Variants in MED25 observed in about 807,000 individuals in gnomAD.
The protein encoded by MED25 is mediator of RNA polymerase II transcription subunit 25.
A neutral mutation model predicts 89.4 loss-of-function variants in MED25; 62 were observed. The ratio of observed to expected loss-of-function variants is 0.69; its 90% CI spans 0.57 to 0.86. The LOEUF is 0.86. MED25 is among the 40% of genes least tolerant of loss of function. The probability of loss-of-function intolerance (pLI) is 0.00; values close to 1 mark genes in which losing one functional copy is unlikely to be tolerated. For synonymous variants in MED25, 449 were observed against 427.9 expected (o/e 1.05, Z -0.61); for missense variants, 905 against 1,005.2 (o/e 0.90, Z 1.35).
At chr19:49,825,338 C>G (rs904068341) in intron 3 of MED25, among the ~76,000 whole-genome samples, 3 of 151,944 alleles carry the variant, frequency 2.0e-5, no homozygotes, top group Admixed American at 1.3e-4. Context: ...AACCTCTGCC[C>G]CCGAGGTTCA....
chr19:49,819,123 A>G, intron 2 of MED25, 49 bp from the exon 3 acceptor site: 2 of 1,611,234 alleles, frequency 1.2e-6, no homozygotes, highest in Non-Finnish European at 1.7e-6. Context: ...CTCTAAGGGA[A>G]AAGGGAATTG....
intron 3 of MED25, among the ~76,000 whole-genome samples, chr19:49,825,497 C>T (rs573283921): frequency 1.0e-3 from 157 of 152,096 alleles, no homozygotes; most frequent in African/African-American, 3.4e-3. Flanking sequence ...CCGCCCACCT[C>T]GGCCTCCCAA....
At position 49,828,978 on chromosome 19, in the gene MED25, C is replaced by T. The variant is rs200785685; in HGVS notation, c.413C>T (p.Thr138Met). Residue 138 changes from threonine (T) to methionine (M), a missense_variant, in exon 5 of 18, where the codon ACG becomes ATG. Thr to Met is a moderately conservative substitution (Grantham distance 81). This residue lies in a region of MED25 where 501 missense variants were observed against 526.9 expected (regional missense o/e 0.95). Transcript: ENST00000312865. Reference sequence around the variant, plus strand: ...TCTCTCTTTCCTGGTAGTGGCCAGACGCACCGGGTCTGCCTCCTCATCTGC... The same window carrying T: ...TCTCTCTTTCCTGGTAGTGGCCAGATGCACCGGGTCTGCCTCCTCATCTGC... ...FKKMREQIGQ[T>M]HRVCLLICNS... is the part of the protein sequence containing the mutation. 1.5e-5 allele frequency: 24 copies of T among 1,614,094 alleles called. No homozygotes were observed. The highest frequency in any genetic ancestry group is 2.2e-5 in the South Asian group (2 of 91,080).
intron 3 of MED25, among the ~76,000 whole-genome samples, chr19:49,824,842 C>T (rs577769152): frequency 1.1e-4 from 16 of 152,252 alleles, no homozygotes; most frequent in African/African-American, 3.6e-4. Flanking sequence ...AACATTCACT[C>T]ATTTTGACCT....
chr19:49,837,523 C>T (rs886877983), downstream of MED25, among the ~76,000 whole-genome samples: 7 of 152,092 alleles, frequency 4.6e-5, no homozygotes, highest in African/African-American at 1.7e-4. Context: ...AGCAGTGGGG[C>T]GGGCCTAGGC....
Position 49,830,964 on chromosome 19 carries a change from T to A in MED25, c.1101+77T>A, listed in dbSNP as rs1460133971. ...CTAGGACAGTTAGAGGATGAGTCAT[T>A]TGCCTTCCAGGGGGATGTGGCTCTC... On this transcript the variant is annotated intron_variant, in intron 9 of 17. Coordinates refer to ENST00000312865, the MANE Select transcript of MED25 (RefSeq NM_030973.4). This position sits in a 1 kb window ranked among gnomAD's most constrained non-coding sequence, Gnocchi z 4.6. 2.7e-6 allele frequency: 4 copies of A among 1,477,366 alleles called. No homozygotes were observed. The African/African-American group carries it at 5.5e-5, about 20-fold the overall frequency. 91.5% of individuals were successfully genotyped at this position (1,477,366 alleles called of 1,614,324 possible).
rs1351976359 is a variant in MED25 at position 49,831,351 on chromosome 19, G to A, written c.1120G>A (p.Gly374Arg). ...APSMAGTVAP[G>R]GVSGPSPAQL... is the part of the protein sequence containing the mutation. Reference sequence around the variant, plus strand: ...CTGGCAGGCAGGCACTGTGGCCCCAGGAGGGGTGAGCGGCCCTTCCCCAGC... The same window carrying A: ...CTGGCAGGCAGGCACTGTGGCCCCAAGAGGGGTGAGCGGCCCTTCCCCAGC... Residue 374 changes from glycine to arginine, a missense_variant, in exon 10 of 18, where the codon GGA becomes AGA. Coordinates refer to ENST00000312865, the MANE Select transcript of MED25 (RefSeq NM_030973.4). The surrounding 1 kb of genome is among the most constrained non-coding windows in gnomAD (Gnocchi z 5.0). 1 of 1,611,156 alleles carries A rather than the reference G, an allele frequency of 6.2e-7. No homozygotes were observed. The highest frequency in any genetic ancestry group is 8.5e-7 in the Non-Finnish European group (1 of 1,179,046).
In MED25 at chr19:49,830,151, C is replaced by T. The variant is rs2074044302; in HGVS notation, c.752C>T (p.Ala251Val). Residue 251 changes from alanine (A) to valine (V), a missense_variant, in exon 7 of 18, where the codon GCA becomes GTA. By Grantham distance (64) the Ala-to-Val change is moderately conservative (BLOSUM62 0). Coordinates refer to ENST00000312865, the MANE Select transcript of MED25 (RefSeq NM_030973.4). The surrounding 1 kb of genome is among the most constrained non-coding windows in gnomAD (Gnocchi z 4.6). ...SKQPVPLPPA[A>V]PSGATLSAAP... ...CAGCCAGTCCCCCTGCCTCCCGCCG[C>T]ACCCTCAGGTGCCACTCTCTCAGCA... 5 of 1,604,758 alleles carry T rather than the reference C, an allele frequency of 3.1e-6. No homozygotes were observed. The highest frequency in any genetic ancestry group is 3.4e-6 in the Non-Finnish European group (4 of 1,173,358).
At chr19:49,838,095 C>T (rs1028033916), downstream of MED25, among the ~76,000 whole-genome samples, 2 of 152,084 alleles carry the variant, frequency 1.3e-5, no homozygotes, top group South Asian at 2.1e-4. Context: ...GCTGAGAGCG[C>T]GGTCCATGCC....
rs781693362 is a variant in MED25 at position 49,831,443 on chromosome 19, G to A, written c.1212G>A (p.Gly404=). The A allele has an allele frequency of 5.0e-6, 8 of 1,612,484 alleles. No individual in the cohort carries two copies. In the African/African-American group the frequency reaches 1.1e-4, roughly 22 times the overall value. ...CCAATAAGCTTCTGGCCTGGAGCGG[G>A]GTCCTGGAGTGGCAAGAGGTGAGGG... ...SVSNKLLAWS[G]VLEWQEKPKP... is the part of the protein sequence containing the mutation. The change falls in exon 10 of 18, where the codon GGG becomes GGA. Residue 404 remains glycine, a synonymous_variant. Transcript: ENST00000312865. The surrounding 1 kb of genome is among the most constrained non-coding windows in gnomAD (Gnocchi z 5.0).
In MED25 at chr19:49,832,107, G is replaced by C; in HGVS notation, c.1324G>C (p.Glu442Gln). 1 of 1,613,454 alleles carries C rather than the reference G, an allele frequency of 6.2e-7. No homozygotes were observed. The highest frequency in any genetic ancestry group is 1.7e-5 in the Admixed American group (1 of 60,022). ...TCCTGGCATCGCCCCCAGGAAGACG[G>C]AGCAGTGGCCCCAGAAGCTGATCAT... ...YVNHGENLKT[E>Q]QWPQKLIMQL... The change falls in exon 12 of 18, where the codon GAG becomes CAG. Residue 442 changes from glutamate (E) to glutamine (Q), a missense_variant. Coordinates refer to ENST00000312865, the MANE Select transcript of MED25 (RefSeq NM_030973.4).
In MED25 at chr19:49,831,051, G is replaced by A. The variant is rs2074053165; in HGVS notation, c.1101+164G>A. Among the ~76,000 whole-genome samples, 1 of 152,202 alleles carries A rather than the reference G, an allele frequency of 6.6e-6. No homozygotes were observed. The highest frequency in any genetic ancestry group is 6.5e-5 in the Admixed American group (1 of 15,290). ...CTGCAGATGCCTGAGATGAGGGTCTGGGGACAGAGTGGGGAGGCTCATGGC... is the reference window on the plus strand; with the variant it reads ...CTGCAGATGCCTGAGATGAGGGTCTAGGGACAGAGTGGGGAGGCTCATGGC... On this transcript the variant is annotated intron_variant, in intron 9 of 17. Coordinates refer to ENST00000312865, the MANE Select transcript of MED25 (RefSeq NM_030973.4). The surrounding 1 kb of genome is among the most constrained non-coding windows in gnomAD (Gnocchi z 5.0).
chr19:49,829,076 C>T lies in MED25; in HGVS notation c.511C>T (p.Gln171Ter), dbSNP rs1258199756. The change falls in exon 5 of 18, where the codon CAG (glutamine) becomes TAG (stop). Residue 171 changes from glutamine to a stop codon, truncating the protein, a stop_gained. Transcript: ENST00000312865. LOFTEE classifies it high-confidence loss of function. The surrounding 1 kb of genome is among the most constrained non-coding windows in gnomAD (Gnocchi z 4.6). ...TGGATGCACAACTGAGAATCTTGTG[C>T]AGCAGATTGGGGAGGTGAGGACTCC... ...YSGCTTENLVQQIGERGIHFS... is the reference protein window; with the variant it reads ...YSGCTTENLV 1 of 1,613,816 alleles carries T rather than the reference C, an allele frequency of 6.2e-7. No individual in the cohort carries two copies. The highest frequency in any genetic ancestry group is 2.2e-5 in the East Asian group (1 of 44,854).
intron 4 of MED25, 75 bp from the exon 5 acceptor site, chr19:49,828,895 C>T (rs911236217): frequency 8.1e-6 from 13 of 1,600,896 alleles, no homozygotes; most frequent in East Asian, 6.8e-5. Context: ...TGTGCATCTC[C>T]GCTGGTGCTG....
chr19:49,822,441 A>G (rs372967717), intron 3 of MED25, among the ~76,000 whole-genome samples: 1 of 151,722 alleles, frequency 6.6e-6, no homozygotes. Flanking sequence ...GTCTCAAAAA[A>G]AAATTGTTTT....
At chr19:49,822,034 C>T (rs1476617835) in intron 3 of MED25, among the ~76,000 whole-genome samples, 4 of 151,194 alleles carry the variant, frequency 2.6e-5, no homozygotes, top group South Asian at 2.1e-4. Context: ...GAGGCTGAGG[C>T]GGGTGGATGA....
intron 3 of MED25, among the ~76,000 whole-genome samples, chr19:49,825,924 G>GT (rs1470309358): frequency 6.6e-6 from 1 of 152,082 alleles, no homozygotes; most frequent in Non-Finnish European, 1.5e-5. Context: ...AGCCAGGGTG[G>GT]TTTTGGCTCG....
At chr19:49,822,262 C>CAAA (rs1220883878) in intron 3 of MED25, among the ~76,000 whole-genome samples, 9 of 48,794 alleles carry the variant, frequency 1.8e-4, no homozygotes, top group Admixed American at 2.3e-4. Flanking sequence ...GACTCTGTCT[C>CAAA]AAAAAAAAAA....
At chr19:49,828,344 A>G (rs2074028900) in intron 3 of MED25, 105 bp from the exon 4 acceptor site, 3 of 801,620 alleles carry the variant, frequency 3.7e-6, no homozygotes, top group Non-Finnish European at 6.6e-6. Context: ...CCCAAGGTGC[A>G]TAGCCCAGGA....
Sources: gnomAD v4.1 joint callset for allele counts (sites outside exome capture counted in the v4.1 genomes callset) on GRCh38, gnomAD v4.1.1 for gene constraint, gnomAD v4.1.1 regional missense constraint, Gnocchi (gnomAD v3.1) non-coding constraint, MANE v1.5 for transcripts, NCBI Gene and HGNC (gene_info 2026-07-23, HGNC 2026-07-21) for gene names.